MEI4: variants seen among roughly 807,000 people sequenced by gnomAD.
MEI4 encodes meiosis-specific protein MEI4.
In MEI4, 27 loss-of-function variants were observed where a neutral mutation model predicts 31.4. That is an observed-to-expected ratio of 0.86 (90% CI 0.63 to 1.19). The LOEUF is 1.19. Among genes scored for constraint, MEI4 ranks in the 50% most tolerant of loss-of-function variants. The probability of loss-of-function intolerance (pLI) is 0.00; values close to 1 mark genes in which losing one functional copy is unlikely to be tolerated. For missense variants in MEI4, 329 were observed against 398.9 expected (o/e 0.82, Z 1.49); for synonymous variants, 122 against 145.4 (o/e 0.84, Z 1.16).
chr6:77,731,336 G>A (rs1420921329), intron 2 of MEI4, among the ~76,000 whole-genome samples: 1 of 150,130 alleles, frequency 6.7e-6, no homozygotes, highest in Non-Finnish European at 1.5e-5. Flanking sequence ...GGTGTGAGAT[G>A]GTATCTCATT....
intron 4 of MEI4, among the ~76,000 whole-genome samples, chr6:77,854,124 T>G (rs1025232941): frequency 6.6e-6 from 1 of 152,116 alleles, no homozygotes; most frequent in Non-Finnish European, 1.5e-5. Flanking sequence ...AGTATCATAC[T>G]GAGTGTTCTA....
intron 1 of MEI4, among the ~76,000 whole-genome samples, chr6:77,673,420 A>G (rs1195530043): frequency 6.6e-6 from 1 of 152,238 alleles, no homozygotes; most frequent in Non-Finnish European, 1.5e-5. Context: ...ATGAAATGAG[A>G]TGCAGAGATT....
At chr6:77,767,305 G>A (rs767943259) in intron 3 of MEI4, among the ~76,000 whole-genome samples, 11 of 151,634 alleles carry the variant, frequency 7.3e-5, no homozygotes, top group African/African-American at 1.7e-4. Context: ...GCTTGAACCC[G>A]GGAGGCAGAG....
intron 1 of MEI4, among the ~76,000 whole-genome samples, chr6:77,673,626 A>G (rs1269627288): frequency 1.3e-5 from 2 of 152,198 alleles, no homozygotes; most frequent in Non-Finnish European, 2.9e-5. Context: ...AGGAACTTTA[A>G]TAGAGGAGAG....
At chr6:77,905,201 G>T (rs963704653) in intron 4 of MEI4, among the ~76,000 whole-genome samples, 1 of 151,510 alleles carries the variant, frequency 6.6e-6, no homozygotes, top group Admixed American at 6.6e-5. Flanking sequence ...TTGTTTTGGG[G>T]GGATTGTTTG....
At chr6:77,688,089 G>C (rs1339101694) in intron 1 of MEI4, among the ~76,000 whole-genome samples, 3 of 152,102 alleles carry the variant, frequency 2.0e-5, no homozygotes, top group Non-Finnish European at 4.4e-5. Context: ...AACTGGGGAC[G>C]AAGGCCAAAT....
chr6:77,861,983 C>T (rs1314317949), intron 4 of MEI4, among the ~76,000 whole-genome samples: 1 of 151,270 alleles, frequency 6.6e-6, no homozygotes, highest in African/African-American at 2.4e-5. Context: ...TTTAACCAAA[C>T]ACATTTTGGG....
chr6:77,705,655 T>A (rs1324173941), intron 2 of MEI4, among the ~76,000 whole-genome samples: 1 of 152,180 alleles, frequency 6.6e-6, no homozygotes, highest in African/African-American at 2.4e-5. Context: ...GTATGTGGGA[T>A]CCACATTGGC....
chr6:77,834,753 A>G (rs984161114), intron 4 of MEI4, among the ~76,000 whole-genome samples: 1 of 152,182 alleles, frequency 6.6e-6, no homozygotes, highest in African/African-American at 2.4e-5. Context: ...TAAAGATTAA[A>G]GGCTGGGTTC....
intron 3 of MEI4, among the ~76,000 whole-genome samples, chr6:77,778,400 T>C (rs1446168937): frequency 6.6e-6 from 1 of 152,014 alleles, no homozygotes; most frequent in Non-Finnish European, 1.5e-5. Context: ...TGAACAACTT[T>C]AGTACAAGTA....
intron 4 of MEI4, among the ~76,000 whole-genome samples, chr6:77,881,121 T>A (rs997386887): frequency 4.6e-5 from 7 of 151,598 alleles, no homozygotes; most frequent in African/African-American, 1.2e-4. Flanking sequence ...TGGCCTTTTT[T>A]AAATCACTTT....
At chr6:77,695,707 G>A (rs370565362) in intron 2 of MEI4, among the ~76,000 whole-genome samples, 266 of 152,036 alleles carry the variant, frequency 1.7e-3, no homozygotes, top group East Asian at 6.0e-3. Context: ...TGATGCCTCC[G>A]GCTTTGTTCT....
intron 4 of MEI4, among the ~76,000 whole-genome samples, chr6:77,870,861 C>T (rs1476893392): frequency 6.6e-6 from 1 of 152,260 alleles, no homozygotes; most frequent in East Asian, 1.9e-4. Context: ...ACTGAAACTA[C>T]TTCTCCCTTT....
At chr6:77,811,773 CAAA>C (rs67267765) in intron 3 of MEI4, among the ~76,000 whole-genome samples, 2 of 126,808 alleles carry the variant, frequency 1.6e-5, no homozygotes, top group Non-Finnish European at 1.7e-5. Context: ...AACTCCGTCT[CAAA>C]AAAAAAAAAA....
At chr6:77,800,177 G>A (rs188666849) in intron 3 of MEI4, among the ~76,000 whole-genome samples, 11 of 152,094 alleles carry the variant, frequency 7.2e-5, no homozygotes, top group Admixed American at 7.2e-4. Flanking sequence ...TCATTGAGCA[G>A]TGGTTTATAG....
chr6:77,768,968 AC>A (rs1408914625), intron 3 of MEI4, among the ~76,000 whole-genome samples: 1 of 152,116 alleles, frequency 6.6e-6, no homozygotes, highest in Non-Finnish European at 1.5e-5. Flanking sequence ...GAATTGCTGT[AC>A]CCCCTTTGCC....
chr6:77,753,217 C>G (rs921143879), intron 2 of MEI4, among the ~76,000 whole-genome samples: 1 of 151,866 alleles, frequency 6.6e-6, no homozygotes, highest in African/African-American at 2.4e-5. Flanking sequence ...CTAAAACACC[C>G]AAAGCAATGG....
chr6:77,878,811 C>T (rs1432493283), intron 4 of MEI4, among the ~76,000 whole-genome samples: 5 of 152,064 alleles, frequency 3.3e-5, no homozygotes, highest in Admixed American at 2.0e-4. Flanking sequence ...CATGGTTTAA[C>T]TTAAAATAAC....
At chr6:77,703,431 G>T (rs1396505430) in intron 2 of MEI4, among the ~76,000 whole-genome samples, 2 of 152,182 alleles carry the variant, frequency 1.3e-5, no homozygotes, top group Non-Finnish European at 2.9e-5. Context: ...CTTCTTATCA[G>T]TGCAACAAAA....
Sources: allele counts gnomAD v4.1 joint callset (sites outside exome capture counted in the v4.1 genomes callset), GRCh38; gene constraint gnomAD v4.1.1; transcripts MANE v1.5; gene names NCBI Gene and HGNC (gene_info 2026-07-23, HGNC 2026-07-21).